Variants in MCTP2 observed in about 807,000 individuals in gnomAD.
The protein encoded by MCTP2 is multiple C2 and transmembrane domain containing 2.
In MCTP2, 132 loss-of-function variants were observed where a neutral mutation model predicts 111.6. That is an observed-to-expected ratio of 1.18 (90% confidence interval 1.03 to 1.37). MCTP2 has a LOEUF of 1.37. MCTP2 is among the 40% of genes most tolerant of loss of function. The probability of loss-of-function intolerance (pLI) is 0.00; values close to 1 mark genes in which losing one functional copy is unlikely to be tolerated. For synonymous variants in MCTP2, 395 were observed against 387.7 expected (o/e 1.02, Z -0.22); for missense variants, 1,183 against 1,067.9 (o/e 1.11, Z -1.50).
At chr15:94,470,227 G>A (rs1036020845) in intron 20 of MCTP2, 106 bp from the exon 21 acceptor site, 8 of 878,582 alleles carry the variant, frequency 9.1e-6, no homozygotes, top group African/African-American at 1.7e-5. Flanking sequence ...CCAATAGACT[G>A]TAAAAAAAAT....
At chr15:94,412,472 G>A (rs1198417495) in intron 17 of MCTP2, among the ~76,000 whole-genome samples, 1 of 152,110 alleles carries the variant, frequency 6.6e-6, no homozygotes, top group East Asian at 1.9e-4. Context: ...TCATCAAAAT[G>A]TTGTGTCCAT....
chr15:94,388,703 G>C (rs1020797361), intron 14 of MCTP2, among the ~76,000 whole-genome samples: 33 of 152,010 alleles, frequency 2.2e-4, no homozygotes, highest in African/African-American at 7.5e-4. Context: ...CCTTACACTT[G>C]GCATGTGCTG....
chr15:94,297,943 T>G (rs1252149187), intron 1 of MCTP2, among the ~76,000 whole-genome samples: 6 of 151,928 alleles, frequency 3.9e-5, no homozygotes, highest in Admixed American at 3.9e-4. Flanking sequence ...TTTTTTTTGG[T>G]GCCAACCTTA....
intron 17 of MCTP2, among the ~76,000 whole-genome samples, chr15:94,406,164 G>A (rs2081886448): frequency 6.6e-6 from 1 of 152,168 alleles, no homozygotes; most frequent in African/African-American, 2.4e-5. Context: ...TGTTATTTCA[G>A]TGCTTAGACA....
chr15:94,249,658 T>G (rs921617367), intron 1 of MCTP2, among the ~76,000 whole-genome samples: 1 of 152,102 alleles, frequency 6.6e-6, no homozygotes, highest in African/African-American at 2.4e-5. Flanking sequence ...GCTAATTTTT[T>G]GTATTTTTAG....
rs1567603385 is a variant in MCTP2, at chr15:94,390,108, A to ATG, written c.1788+4584_1788+4585insGT. Among the ~76,000 whole-genome samples, 7 of 33,522 alleles carry ATG rather than the reference A, an allele frequency of 2.1e-4. 2 individuals carry two copies. The highest frequency in any genetic ancestry group is 4.6e-4 in the African/African-American group (6 of 13,116). The allele number at this position is 33,522 out of a possible 152,430, so 22.0% of individuals were successfully genotyped here. On this transcript the variant is annotated intron_variant, in intron 14 of 22. Transcript: ENST00000357742. Reference sequence around the variant, plus strand: ...TATATATGTATATATATATATATATATATATGTATATATATATATATATAC... The same window carrying ATG: ...TATATATGTATATATATATATATATATGTATATGTATATATATATATATATAC...
Position 94,263,834 on chromosome 15 carries a change from A to G in MCTP2, c.-66+32170A>G, listed in dbSNP as rs1596216650. 3.9e-5 allele frequency among the ~76,000 whole-genome samples: 6 copies of G among 152,352 alleles called. 1 individual carries two copies. In the South Asian group the frequency reaches 1.2e-3, roughly 32 times the overall value. ...CCACAAAAGTGCTGTGGGGTTATAA[A>G]GAAACTTTAGCGAGTATACCAGTTC... is the stretch of plus-strand genomic sequence containing the variant. On this transcript the variant is annotated intron_variant, in intron 1 of 22. Transcript: ENST00000357742.
chr15:94,417,157 C>T (rs1441274093), intron 17 of MCTP2, among the ~76,000 whole-genome samples: 2 of 152,102 alleles, frequency 1.3e-5, no homozygotes, highest in African/African-American at 4.8e-5. Context: ...TTAAAATAAA[C>T]AATCCCTTGG....
chr15:94,315,461 A>C (rs2076336607), intron 3 of MCTP2, 68 bp from the exon 4 acceptor site: 1 of 1,144,086 alleles, frequency 8.7e-7, no homozygotes, highest in African/African-American at 1.5e-5. Context: ...AAAATCGAGA[A>C]GTATTTCTGA....
At position 94,483,244 on chromosome 15, in the gene MCTP2, A is replaced by G. The variant is rs576801913; in HGVS notation, c.*4210A>G. ...TGAAAACTATGTTCTGCACTTATAC[A>G]TTGTTGGTTGGAGTGTAAATTAGTT... On this transcript the variant is annotated 3_prime_UTR_variant, in exon 23 of 23. Transcript: ENST00000357742. The G allele has an allele frequency of 1.3e-5, 2 of 152,272 alleles. No homozygotes were observed. The highest frequency in any genetic ancestry group is 1.9e-4 in the East Asian group (1 of 5,180). 9.4% of individuals were successfully genotyped at this position (152,272 alleles called of 1,614,324 possible).
chr15:94,412,276 A>T (rs1596627517), intron 17 of MCTP2, among the ~76,000 whole-genome samples: 1 of 148,634 alleles, frequency 6.7e-6, no homozygotes, highest in African/African-American at 2.5e-5. Context: ...TATACACAGG[A>T]TCCTTGGACT....
At chr15:94,280,345 A>G (rs2074415784) in intron 1 of MCTP2, among the ~76,000 whole-genome samples, 1 of 149,428 alleles carries the variant, frequency 6.7e-6, no homozygotes, top group African/African-American at 2.5e-5. Flanking sequence ...GGGAGGCTGT[A>G]TGTTTCCATT....
chr15:94,435,057 T>G (rs2083396443), intron 17 of MCTP2, among the ~76,000 whole-genome samples: 2 of 152,022 alleles, frequency 1.3e-5, no homozygotes, highest in Admixed American at 6.5e-5. Flanking sequence ...AGAGACAGGG[T>G]TTCACCATGT....
At chr15:94,295,506 C>T (rs941244901) in intron 1 of MCTP2, among the ~76,000 whole-genome samples, 12 of 152,054 alleles carry the variant, frequency 7.9e-5, no homozygotes, top group African/African-American at 2.9e-4. Context: ...CTTCTCTGGG[C>T]TATGTTCAGG....
chr15:94,443,343 G>A (rs940828784), intron 19 of MCTP2, among the ~76,000 whole-genome samples: 13 of 152,078 alleles, frequency 8.5e-5, no homozygotes, highest in African/African-American at 2.9e-4. Context: ...ACCCACTTCC[G>A]CGCCTGTCAT....
At position 94,470,744 on chromosome 15, in the gene MCTP2, C is replaced by T. The variant is rs559898012; in HGVS notation, c.2470+302C>T. Among the ~76,000 whole-genome samples, 8 of 151,792 alleles carry T rather than the reference C, an allele frequency of 5.3e-5. No homozygotes were observed. In the East Asian group the frequency reaches 9.7e-4, roughly 18 times the overall value. On this transcript the variant is annotated intron_variant, in intron 21 of 22. Transcript: ENST00000357742. ...CTCTTGGATAATATATTGCTGTGCC[C>T]GGGTAACTTTAAGGAAACACTGTTC...
chr15:94,260,599 G>A (rs144421767), intron 1 of MCTP2, among the ~76,000 whole-genome samples: 122 of 152,232 alleles, frequency 8.0e-4, no homozygotes, highest in African/African-American at 2.7e-3. Context: ...TGAAAAGACC[G>A]TTGCTCTGGT....
At chr15:94,456,025 G>A (rs1346486507) in intron 19 of MCTP2, among the ~76,000 whole-genome samples, 2 of 152,098 alleles carry the variant, frequency 1.3e-5, no homozygotes, top group Admixed American at 6.5e-5. Context: ...TGAAAATAAT[G>A]TATTTGTGAA....
At position 94,384,141 on chromosome 15, in the gene MCTP2, C is replaced by G. The variant is rs2080316995; in HGVS notation, c.1685+17C>G. 1 of 1,569,504 alleles carries G rather than the reference C, an allele frequency of 6.4e-7. No homozygotes were observed. The highest frequency in any genetic ancestry group is 8.8e-7 in the Non-Finnish European group (1 of 1,141,206). On this transcript the variant is annotated intron_variant, in intron 13 of 22. Coordinates refer to ENST00000357742, the MANE Select transcript of MCTP2 (RefSeq NM_001385001.1). Reference sequence around the variant, plus strand: ...TTTTACATTGTAAGTGCTTTAGCCTCTGGAATTATTTCTGCTGTGCTTGGA... The same window carrying G: ...TTTTACATTGTAAGTGCTTTAGCCTGTGGAATTATTTCTGCTGTGCTTGGA...
Sources: gnomAD v4.1 joint callset for allele counts (sites outside exome capture counted in the v4.1 genomes callset) on GRCh38, gnomAD v4.1.1 for gene constraint, MANE v1.5 for transcripts, NCBI Gene and HGNC (gene_info 2026-07-23, HGNC 2026-07-21) for gene names.